VSTM1: variants seen among roughly 807,000 people sequenced by gnomAD.
The protein encoded by VSTM1 is V-set and transmembrane domain-containing protein 1.
Under a neutral mutation model 33.1 loss-of-function variants are expected in VSTM1, and 27 were observed. That is an observed-to-expected ratio of 0.82 (90% CI 0.60 to 1.12). The LOEUF (loss-of-function observed/expected upper bound fraction) is 1.12. Ranked by LOEUF, VSTM1 falls within the 50% of genes most tolerant of loss-of-function variation. The pLI is 0.00. For missense variants in VSTM1, 304 were observed against 288.9 expected (o/e 1.05, Z -0.38); for synonymous variants, 115 against 110.3 (o/e 1.04, Z -0.27).
intron 4 of VSTM1, among the ~76,000 whole-genome samples, chr19:54,046,726 G>A (rs548691187): frequency 4.6e-5 from 7 of 152,106 alleles, no homozygotes; most frequent in Middle Eastern, 3.4e-3. Flanking sequence ...TTACATGCCC[G>A]GGACAAACTG....
At chr19:54,057,745 G>A (rs1441056093) in intron 3 of VSTM1, among the ~76,000 whole-genome samples, 1 of 150,398 alleles carries the variant, frequency 6.6e-6, no homozygotes, top group South Asian at 2.1e-4. Flanking sequence ...GGAGGCGGGG[G>A]TTGCAGTGAG....
In VSTM1 at chr19:54,042,270, A is replaced by T. The variant is rs780644537; in HGVS notation, c.487+7T>A. 7 of 1,613,664 alleles carry T rather than the reference A, an allele frequency of 4.3e-6. No homozygotes were observed. Among genetic ancestry groups the T allele is most frequent in the Non-Finnish European group, 4.2e-6 (5 of 1,179,944 alleles). On this transcript the variant is annotated splice_region_variant and intron_variant, in intron 5 of 8. Coordinates refer to ENST00000338372, the MANE Select transcript of VSTM1 (RefSeq NM_198481.4). ...CCCCTCTCTCCCTTTGCGTTCTCTG[A>T]GCTCACTGTGCTGGCTGCATCTGTA...
At chr19:54,061,502 A>C (rs2071393250) in intron 1 of VSTM1, among the ~76,000 whole-genome samples, 2 of 152,228 alleles carry the variant, frequency 1.3e-5, no homozygotes, top group South Asian at 4.1e-4. Flanking sequence ...AGAGAGACAG[A>C]GACACACAGA....
chr19:54,060,825 G>C (rs2071356436), intron 1 of VSTM1, among the ~76,000 whole-genome samples: 1 of 151,720 alleles, frequency 6.6e-6, no homozygotes, highest in South Asian at 2.1e-4. Context: ...CAAATAACTG[G>C]GACTACAGGC....
In VSTM1 at chr19:54,058,520, C is replaced by T. The variant is rs537505250; in HGVS notation, c.141G>A (p.Leu47=). 7.4e-6 allele frequency: 12 copies of T among 1,614,072 alleles called. No individual in the cohort carries two copies. In the South Asian group the frequency reaches 8.8e-5, roughly 12 times the overall value. ...CATTCTGGGAATGAGCCTGACACTTCAGGGTCACATTGCTCTCGGCTTCAA... is the reference window on the plus strand; with the variant it reads ...CATTCTGGGAATGAGCCTGACACTTTAGGGTCACATTGCTCTCGGCTTCAA... The part of the protein sequence containing the change: ...SVVEAESNVT[L]KCQAHSQNVT... The change falls in exon 3 of 9, where the codon CTG becomes CTA. Residue 47 remains leucine (L), a synonymous_variant. Coordinates refer to ENST00000338372, the MANE Select transcript of VSTM1 (RefSeq NM_198481.4).
At chr19:54,059,847 T>G (rs112352941) in intron 1 of VSTM1, among the ~76,000 whole-genome samples, 1 of 148,540 alleles carries the variant, frequency 6.7e-6, no homozygotes, top group Non-Finnish European at 1.5e-5. Flanking sequence ...GGTGGGTTTT[T>G]TTTTTTTTTT....
chr19:54,051,688 C>A (rs4442924), intron 3 of VSTM1, among the ~76,000 whole-genome samples: 148,121 of 152,196 alleles, frequency 0.97, 72,237 homozygotes, highest in Middle Eastern at 1. Context: ...TATGAATGAC[C>A]CTGCTAACGC....
intron 3 of VSTM1, among the ~76,000 whole-genome samples, chr19:54,057,131 C>T (rs1382265908): frequency 7.2e-6 from 1 of 138,754 alleles, no homozygotes; most frequent in Non-Finnish European, 1.6e-5. Context: ...GCTGGGATTA[C>T]AGGCATGAGC....
rs1381237743 is a variant in VSTM1, at chr19:54,058,198, C to A, written c.355+108G>T. 16 of 1,210,334 alleles carry A rather than the reference C, an allele frequency of 1.3e-5. No homozygotes were observed. In the East Asian group the frequency reaches 3.2e-4, roughly 24 times the overall value. 75.0% of individuals were successfully genotyped at this position (1,210,334 alleles called of 1,614,324 possible). On this transcript the variant is annotated intron_variant, in intron 3 of 8. Coordinates refer to ENST00000338372, the MANE Select transcript of VSTM1 (RefSeq NM_198481.4). ...GAAGTTGCAGTGAGCCGAGATCGTG[C>A]CACTGCACTCCAGCCTGGGAGACAC...
At position 54,054,126 on chromosome 19, in the gene VSTM1, CA is replaced by C. The variant is rs369480444; in HGVS notation, c.356-2679del. Among the ~76,000 whole-genome samples the C allele has an allele frequency of 4.4e-3, 622 of 141,804 alleles. 104 individuals are homozygous for C. Among genetic ancestry groups the C allele is most frequent in the Non-Finnish European group, 7.4e-3 (477 of 64,370 alleles). The allele number at this position is 141,804 out of a possible 152,430, so 93.0% of individuals were successfully genotyped here. A position where few individuals can be genotyped will look rare whatever the true frequency, so the allele number is the denominator to read the frequency against. On this transcript the variant is annotated intron_variant, in intron 3 of 8. Coordinates refer to ENST00000338372, the MANE Select transcript of VSTM1 (RefSeq NM_198481.4). Reference sequence around the variant, plus strand: ...ATAAAGTGATTTGCAAAGCAGCAAACAGATTGTATATGGAAGGCTGACCTGG... The same window carrying C: ...ATAAAGTGATTTGCAAAGCAGCAAACGATTGTATATGGAAGGCTGACCTGG...
chr19:54,050,671 G>A (rs1370410161), intron 4 of VSTM1, among the ~76,000 whole-genome samples: 1 of 152,060 alleles, frequency 6.6e-6, no homozygotes, highest in African/African-American at 2.4e-5. Flanking sequence ...CAATAACATT[G>A]AGAAAATGGG....
intron 3 of VSTM1, among the ~76,000 whole-genome samples, chr19:54,055,319 C>T (rs1416739599): frequency 7.0e-6 from 1 of 141,950 alleles, no homozygotes; most frequent in African/African-American, 2.6e-5. Context: ...AACTGTGAAG[C>T]TCATTGTTTT....
In VSTM1 at chr19:54,055,721, G is replaced by A. The variant is rs984422001; in HGVS notation, c.355+2585C>T. ...AATACATTCGGTTCCATTGTATGGAGTGAGACATCGAAGTGTCCTGAGACC... is the reference window on the plus strand; with the variant it reads ...AATACATTCGGTTCCATTGTATGGAATGAGACATCGAAGTGTCCTGAGACC... On this transcript the variant is annotated intron_variant, in intron 3 of 8. Transcript: ENST00000338372. 5 of 142,780 alleles carry A rather than the reference G, an allele frequency of 3.5e-5. 1 individual carries two copies. Among genetic ancestry groups the A allele is most frequent in the South Asian group, 4.6e-4 (2 of 4,326 alleles). 8.8% of individuals were successfully genotyped at this position (142,780 alleles called of 1,614,324 possible). A position where few individuals can be genotyped will look rare whatever the true frequency, so the allele number is the denominator to read the frequency against.
chr19:54,055,779 G>A lies in VSTM1; in HGVS notation c.355+2527C>T, dbSNP rs1266821711. On this transcript the variant is annotated intron_variant, in intron 3 of 8. Transcript: ENST00000338372. ...ATCCCAGGGTCTACATTGACTGAGA[G>A]CAAAGGTTCTGGGAGTGATCCTGAA... The A allele has an allele frequency of 1.4e-5, 2 of 142,692 alleles. 1 individual carries two copies. The highest frequency in any genetic ancestry group is 5.2e-5 in the African/African-American group (2 of 38,552). The allele number at this position is 142,692 out of a possible 1,614,324, so 8.8% of individuals were successfully genotyped here. A position where few individuals can be genotyped will look rare whatever the true frequency, so the allele number is the denominator to read the frequency against.
intron 3 of VSTM1, among the ~76,000 whole-genome samples, chr19:54,054,060 T>A (rs929211013): frequency 7.1e-6 from 1 of 141,700 alleles, no homozygotes; most frequent in South Asian, 2.3e-4. Flanking sequence ...CATTTTGTAA[T>A]AAGTAAAAAG....
At chr19:54,059,985 C>T (rs561726045) in intron 1 of VSTM1, among the ~76,000 whole-genome samples, 2 of 151,470 alleles carry the variant, frequency 1.3e-5, no homozygotes, top group Admixed American at 1.3e-4. Context: ...GTAGCTGGGA[C>T]TACAGGCACC....
In VSTM1 at chr19:54,058,699, T is replaced by C; in HGVS notation, c.68A>G (p.Asn23Ser). The C allele has an allele frequency of 6.2e-7, 1 of 1,614,010 alleles. No individual in the cohort carries two copies. ...AGTTTAAGTAGGAGAAAACTCACCA[T>C]TCTTTTTCTCATCTTCGTAGCCCAG... is the stretch of plus-strand genomic sequence containing the variant. The part of the protein sequence containing the change: ...LCLGYEDEKK[N>S]EKPPKPSLHA... The change falls in exon 2 of 9, where the codon AAT becomes AGT. Residue 23 changes from asparagine (N) to serine (S), a missense_variant and splice_region_variant. Coordinates refer to ENST00000338372, the MANE Select transcript of VSTM1 (RefSeq NM_198481.4).
In VSTM1 at chr19:54,040,926, T is replaced by A; in HGVS notation, c.*35A>T. ...TTTCCGATAACCTTGGCCAGCACGA[T>A]CCCCCCTCCTTTAGTGGCCAGGGCT... On this transcript the variant is annotated 3_prime_UTR_variant, in exon 9 of 9. Transcript: ENST00000338372. 1 of 1,602,790 alleles carries A rather than the reference T, an allele frequency of 6.2e-7. No homozygotes were observed. The highest frequency in any genetic ancestry group is 2.3e-5 in the East Asian group (1 of 43,706).
chr19:54,046,582 T>C (rs1425650978), intron 4 of VSTM1, among the ~76,000 whole-genome samples: 1 of 152,044 alleles, frequency 6.6e-6, no homozygotes, highest in Non-Finnish European at 1.5e-5. Context: ...CTGTCAATGT[T>C]CCTCAACCCA....
Sources: allele counts gnomAD v4.1 joint callset (sites outside exome capture counted in the v4.1 genomes callset), GRCh38; gene constraint gnomAD v4.1.1; transcripts MANE v1.5; gene names NCBI Gene and HGNC (gene_info 2026-07-23, HGNC 2026-07-21).